The following YBEY variants were observed in gnomAD, a reference collection of about 807,000 sequenced individuals.
The protein encoded by YBEY is ybeY metalloendoribonuclease.
Under a neutral mutation model 13.5 loss-of-function variants are expected in YBEY, and 15 were observed. That is an observed-to-expected ratio of 1.11 (90% CI 0.75 to 1.72). The LOEUF is 1.72. Among genes scored for constraint, YBEY ranks in the 40% most tolerant of loss-of-function variants. YBEY has a pLI of 0.00. For synonymous variants in YBEY, 101 were observed against 83.1 expected, an observed-to-expected ratio of 1.21 and a Z score of -1.17; for missense variants, 244 against 208.4, an observed-to-expected ratio of 1.17 and a Z score of -1.05.
chr21:46,300,589 T>C, downstream of YBEY: 1 of 1,116,470 alleles, frequency 9.0e-7, no homozygotes, highest in Admixed American at 3.9e-5. Context: ...CTGAGAGAAG[T>C]GAGTGTTACT....
At chr21:46,301,685 C>G, downstream of YBEY, 1 of 1,147,896 alleles carries the variant, frequency 8.7e-7, no homozygotes, top group Non-Finnish European at 1.1e-6. Flanking sequence ...AGAGGGGGAT[C>G]TGAGGCTCCC....
downstream of YBEY, among the ~76,000 whole-genome samples, chr21:46,298,065 C>G (rs1020463468): frequency 6.6e-6 from 1 of 152,222 alleles, no homozygotes; most frequent in Non-Finnish European, 1.5e-5. Context: ...TTCATCAGGG[C>G]AGCGCGTCGC....
chr21:46,311,978 TCCATCCAC>T, the YBEY span, among the ~76,000 whole-genome samples: 7 of 12,178 alleles, frequency 5.7e-4, no homozygotes, highest in East Asian at 3.6e-3. Flanking sequence ...CACCCACCCA[TCCATCCAC>T]CCATCCACCC....
At chr21:46,308,485 T>C in the YBEY span, among the ~76,000 whole-genome samples, 1 of 152,092 alleles carries the variant, frequency 6.6e-6, no homozygotes, top group Non-Finnish European at 1.5e-5. Context: ...AAATCTCATA[T>C]GATTCAGACA....
At chr21:46,288,854 C>CA (rs933317810) in intron 2 of YBEY, among the ~76,000 whole-genome samples, 4 of 151,996 alleles carry the variant, frequency 2.6e-5, no homozygotes, top group African/African-American at 9.7e-5. Context: ...CTTGTTTCTA[C>CA]AAAAAATAAA....
intron 3 of YBEY, chr21:46,291,778 C>A (rs17296821): frequency 0.033 from 36,408 of 1,095,750 alleles, 639 homozygotes; most frequent in Non-Finnish European, 0.036. Context: ...TTCTGAGCTG[C>A]CAGAAGTACA....
At chr21:46,310,281 AGCCTG>A in the YBEY span, among the ~76,000 whole-genome samples, 5 of 152,216 alleles carry the variant, frequency 3.3e-5, no homozygotes, top group South Asian at 1.0e-3. Flanking sequence ...GTTCGAGACC[AGCCTG>A]GCCAACATAG....
intron 4 of YBEY, among the ~76,000 whole-genome samples, 154 bp from the exon 5 acceptor site, chr21:46,297,385 C>G (rs559395546): frequency 9.9e-5 from 1 of 10,060 alleles, no homozygotes; most frequent in African/African-American, 5.1e-4. Context: ...GTGAAGGTGC[C>G]CGGAGCCGGG....
downstream of YBEY, among the ~76,000 whole-genome samples, chr21:46,299,750 G>GCCCCCCCCCCCCCC (rs545785598): frequency 9.6e-4 from 141 of 147,218 alleles, 2 homozygotes; most frequent in Admixed American, 1.3e-3. Context: ...TGTGCCCTGA[G>GCCCCCCCCCCCCCC]CCCCCCCCAC....
At chr21:46,305,009 A>G in the YBEY span, among the ~76,000 whole-genome samples, 3 of 152,266 alleles carry the variant, frequency 2.0e-5, no homozygotes, top group South Asian at 4.2e-4. Context: ...AGTCAGACTC[A>G]TAGAAACAGA....
At chr21:46,308,410 G>A in the YBEY span, among the ~76,000 whole-genome samples, 3 of 151,922 alleles carry the variant, frequency 2.0e-5, no homozygotes, top group Non-Finnish European at 2.9e-5. Flanking sequence ...GCGGTGAGCC[G>A]GGATCACGAC....
chr21:46,295,501 C>T (rs1856285019), intron 3 of YBEY, among the ~76,000 whole-genome samples: 1 of 152,100 alleles, frequency 6.6e-6, no homozygotes, highest in Non-Finnish European at 1.5e-5. Context: ...TCCTCCTCCT[C>T]CTCTTCCCCC....
At chr21:46,299,910 C>G (rs1293334687), downstream of YBEY, among the ~76,000 whole-genome samples, 1 of 152,252 alleles carries the variant, frequency 6.6e-6, no homozygotes, top group Middle Eastern at 3.4e-3. Context: ...CCAAGGGGGA[C>G]CAAGGGGGAC....
At chr21:46,295,072 CTG>C (rs922243269) in intron 3 of YBEY, among the ~76,000 whole-genome samples, 4 of 152,304 alleles carry the variant, frequency 2.6e-5, no homozygotes, top group East Asian at 1.9e-4. Flanking sequence ...CCTGGGATCT[CTG>C]TGGCCAGCAA....
At position 46,287,132 on chromosome 21, in the gene YBEY, AAAAT is replaced by A; in HGVS notation, c.210+10_210+13del. Reference sequence around the variant, plus strand: ...CTTTTCCATTTCATGAGGTAAAAAAAAAATGTTCCTCTTCTTGTCTAGCCCATCT... The same window carrying A: ...CTTTTCCATTTCATGAGGTAAAAAAAGTTCCTCTTCTTGTCTAGCCCATCT... On this transcript the variant is annotated intron_variant, in intron 2 of 4. Coordinates refer to ENST00000397701, the MANE Select transcript of YBEY (RefSeq NM_001314025.2). 1 of 1,590,570 alleles carries A rather than the reference AAAAT, an allele frequency of 6.3e-7. No individual in the cohort carries two copies. Among genetic ancestry groups the A allele is most frequent in the Non-Finnish European group, 8.5e-7 (1 of 1,170,070 alleles).
intron 3 of YBEY, among the ~76,000 whole-genome samples, chr21:46,292,622 A>AAT (rs2081771792): frequency 3.4e-4 from 15 of 44,528 alleles, no homozygotes; most frequent in African/African-American, 1.3e-3. Context: ...CTCAGTGGGG[A>AAT]CAGCCACGCA....
downstream of YBEY, among the ~76,000 whole-genome samples, chr21:46,299,208 T>C (rs540247452): frequency 7.9e-5 from 12 of 152,276 alleles, no homozygotes; most frequent in African/African-American, 2.9e-4. Flanking sequence ...CCTCAAGTGA[T>C]TGATCCGCCT....
intron 2 of YBEY, among the ~76,000 whole-genome samples, chr21:46,288,198 G>T (rs562756850): frequency 2.0e-5 from 3 of 152,272 alleles, no homozygotes; most frequent in South Asian, 2.1e-4. Flanking sequence ...ACAGACTGGG[G>T]TAAATATTTC....
chr21:46,309,263 C>A, the YBEY span, among the ~76,000 whole-genome samples: 2 of 152,020 alleles, frequency 1.3e-5, no homozygotes, highest in Admixed American at 1.3e-4. Context: ...GAATTTGATA[C>A]CAGCCTGGTC....
Sources: allele counts gnomAD v4.1 joint callset (sites outside exome capture counted in the v4.1 genomes callset), GRCh38; gene constraint gnomAD v4.1.1; transcripts MANE v1.5; gene names NCBI Gene and HGNC (gene_info 2026-07-23, HGNC 2026-07-21).